The following PDE4B variants were observed in gnomAD, a reference collection of about 807,000 sequenced individuals.
PDE4B encodes 3',5'-cyclic-AMP phosphodiesterase 4B.
In PDE4B, 20 loss-of-function variants were observed where a neutral mutation model predicts 82.2. That is an observed-to-expected ratio of 0.24 (90% CI 0.17 to 0.35). The LOEUF is 0.35. PDE4B is among the 10% of genes least tolerant of loss of function. The pLI, the probability that PDE4B is intolerant of heterozygous loss-of-function variation, is 1.00. For missense variants in PDE4B, 655 were observed against 907.2 expected (o/e 0.72, Z 3.57); for synonymous variants, 320 against 318.9 (o/e 1.00, Z -0.04).
chr1:66,267,207 C>G (rs1655116016), intron 7 of PDE4B: 1 of 153,016 alleles, frequency 6.5e-6, no homozygotes, highest in South Asian at 2.0e-4. Flanking sequence ...TGAGTTTACT[C>G]TAGAGCCTCG....
At chr1:66,178,329 G>T (rs1039781768) in intron 3 of PDE4B, among the ~76,000 whole-genome samples, 1 of 151,942 alleles carries the variant, frequency 6.6e-6, no homozygotes, top group African/African-American at 2.4e-5. Flanking sequence ...ATTAAAAACA[G>T]GCTGTGGCAG....
chr1:66,174,943 G>T (rs1295138875), intron 3 of PDE4B, among the ~76,000 whole-genome samples: 6 of 152,150 alleles, frequency 3.9e-5, no homozygotes, highest in African/African-American at 1.4e-4. Context: ...TTACATGATG[G>T]CAGGAGAGAG....
intron 4 of PDE4B, among the ~76,000 whole-genome samples, chr1:66,250,594 T>C (rs902440805): frequency 7.2e-5 from 11 of 152,210 alleles, no homozygotes; most frequent in Admixed American, 3.9e-4. Flanking sequence ...AAGATCACCA[T>C]TGGGTCCCAA....
intron 3 of PDE4B, among the ~76,000 whole-genome samples, chr1:65,971,906 A>G (rs1650160633): frequency 6.6e-6 from 1 of 152,282 alleles, no homozygotes; most frequent in African/African-American, 2.4e-5. Flanking sequence ...TAATGAAAAA[A>G]GTAGGTCATA....
At position 65,976,722 on chromosome 1, in the gene PDE4B, C is replaced by T. The variant is rs183296027; in HGVS notation, c.281+57887C>T. 5.4e-3 allele frequency among the ~76,000 whole-genome samples: 825 copies of T among 152,272 alleles called. 4 individuals carry two copies. The highest frequency in any genetic ancestry group is 0.019 in the African/African-American group (782 of 41,558). On this transcript the variant is annotated intron_variant, in intron 3 of 16. Transcript: ENST00000341517. The stretch of plus-strand genomic sequence containing the variant: ...GATGATTTAAAAGTGTGTGGCACTT[C>T]CTGCTTATCTCTCTGTCTCTCCTGC...
intron 1 of PDE4B, among the ~76,000 whole-genome samples, chr1:65,838,230 G>T (rs187075039): frequency 1.3e-5 from 2 of 151,706 alleles, no homozygotes; most frequent in Non-Finnish European, 2.9e-5. Context: ...TTTCAAAATG[G>T]GTAAAATATT....
intron 3 of PDE4B, among the ~76,000 whole-genome samples, chr1:66,225,658 G>T (rs1333442900): frequency 6.6e-6 from 1 of 152,102 alleles, no homozygotes; most frequent in East Asian, 1.9e-4. Flanking sequence ...TGAATACCTG[G>T]GCCCAGTAAC....
intron 7 of PDE4B, among the ~76,000 whole-genome samples, chr1:66,319,052 A>G (rs954367326): frequency 2.6e-5 from 4 of 152,246 alleles, no homozygotes; most frequent in Admixed American, 1.3e-4. Context: ...GTCAACTGGT[A>G]AAGACTGTAT....
intron 6 of PDE4B, among the ~76,000 whole-genome samples, chr1:66,261,076 T>C (rs903621182): frequency 1.3e-5 from 2 of 152,174 alleles, no homozygotes; most frequent in Non-Finnish European, 2.9e-5. Context: ...CACTAGAGCT[T>C]CACCAAAGGG....
At chr1:66,021,902 C>A (rs983977935) in intron 3 of PDE4B, among the ~76,000 whole-genome samples, 1 of 152,164 alleles carries the variant, frequency 6.6e-6, no homozygotes, top group Non-Finnish European at 1.5e-5. Context: ...TTACCTTGGG[C>A]AATATGGCTA....
At chr1:66,224,847 T>C (rs1444025963) in intron 3 of PDE4B, among the ~76,000 whole-genome samples, 2 of 152,240 alleles carry the variant, frequency 1.3e-5, no homozygotes, top group South Asian at 2.1e-4. Flanking sequence ...GTCACTCTCT[T>C]AGTCTCCAGA....
At chr1:65,982,794 T>C (rs1419870379) in intron 3 of PDE4B, among the ~76,000 whole-genome samples, 1 of 152,196 alleles carries the variant, frequency 6.6e-6, no homozygotes, top group East Asian at 1.9e-4. Context: ...ACTATCTGGC[T>C]GGTTGATAAT....
At chr1:65,805,539 T>C (rs923139532) in intron 1 of PDE4B, among the ~76,000 whole-genome samples, 1 of 149,114 alleles carries the variant, frequency 6.7e-6, no homozygotes, top group African/African-American at 2.5e-5. Flanking sequence ...ATTGTGCAGC[T>C]TTTTTTTTTA....
intron 13 of PDE4B, 155 bp from the exon 14 acceptor site, chr1:66,367,541 G>T: frequency 3.3e-6 from 2 of 598,346 alleles, no homozygotes; most frequent in Admixed American, 3.5e-5. Flanking sequence ...ACTTCTGTTT[G>T]TAGAGGGCCA....
intron 3 of PDE4B, among the ~76,000 whole-genome samples, chr1:65,958,253 A>C (rs1012896451): frequency 6.6e-6 from 1 of 152,022 alleles, no homozygotes; most frequent in African/African-American, 2.4e-5. Flanking sequence ...TTTTTTAAAA[A>C]ATTTATTGAT....
intron 3 of PDE4B, among the ~76,000 whole-genome samples, chr1:66,183,126 A>G (rs1047982076): frequency 6.6e-6 from 1 of 152,040 alleles, no homozygotes; most frequent in Non-Finnish European, 1.5e-5. Flanking sequence ...TCCCAACACC[A>G]TTTCCTCCCC....
rs1399267302 is a variant in PDE4B at position 66,352,864 on chromosome 1, T to G, written c.748-2663T>G. 2.6e-5 allele frequency among the ~76,000 whole-genome samples: 4 copies of G among 152,310 alleles called. No homozygotes were observed. The East Asian group carries it at 7.7e-4, about 29-fold the overall frequency. On this transcript the variant is annotated intron_variant, in intron 8 of 16. Transcript: ENST00000341517. ...ACATTCCTAAGTATTTCAGAGAGAC[T>G]AAAGGAGCCAAAATGAGACAATTGT...
At chr1:66,201,510 C>A (rs1384493014) in intron 3 of PDE4B, among the ~76,000 whole-genome samples, 1 of 152,014 alleles carries the variant, frequency 6.6e-6, no homozygotes, top group Non-Finnish European at 1.5e-5. Flanking sequence ...ATTTTTATTG[C>A]CACAATTTCA....
At chr1:65,971,745 C>T (rs375901350) in intron 3 of PDE4B, among the ~76,000 whole-genome samples, 42 of 152,122 alleles carry the variant, frequency 2.8e-4, no homozygotes, top group Non-Finnish European at 5.0e-4. Context: ...TTTGAGAAAT[C>T]GAGAATGTAA....
Sources: allele counts gnomAD v4.1 joint callset (sites outside exome capture counted in the v4.1 genomes callset), GRCh38; gene constraint gnomAD v4.1.1; transcripts MANE v1.5; gene names NCBI Gene and HGNC (gene_info 2026-07-23, HGNC 2026-07-21).